Variants in ADCY5 observed in about 807,000 individuals in gnomAD.
ADCY5 encodes the protein adenylate cyclase type 5.
ADCY5 carries 30 observed loss-of-function variants against 119.7 expected under a neutral mutation model. The observed-to-expected ratio is 0.25, with a 90% CI of 0.19 to 0.34. The LOEUF (loss-of-function observed/expected upper bound fraction) is 0.34, where lower values mean the gene tolerates loss of function less well. Among genes scored for constraint, ADCY5 ranks in the 10% least tolerant of loss-of-function variants. The pLI is 1.00. For synonymous variants in ADCY5, 753 were observed against 762.2 expected, an observed-to-expected ratio of 0.99 and a Z score of 0.20; for missense variants, 1,324 against 1,775.2, an observed-to-expected ratio of 0.75 and a Z score of 4.57.
intron 12 of ADCY5, among the ~76,000 whole-genome samples, chr3:123,308,896 T>C (rs1044278354): frequency 6.6e-6 from 1 of 152,236 alleles, no homozygotes; most frequent in Admixed American, 6.5e-5. Context: ...TTCCCAGGGC[T>C]ACACCACAAC....
intron 12 of ADCY5, among the ~76,000 whole-genome samples, chr3:123,308,025 GCTCTT>G (rs1370670375): frequency 1.5e-3 from 175 of 117,376 alleles, no homozygotes; most frequent in African/African-American, 5.3e-3. Context: ...TTTTTTTCAT[GCTCTT>G]TTTTTTTTTT....
At chr3:123,399,939 G>A (rs1210181028) in intron 1 of ADCY5, among the ~76,000 whole-genome samples, 3 of 152,192 alleles carry the variant, frequency 2.0e-5, no homozygotes, top group Non-Finnish European at 2.9e-5. Flanking sequence ...GTTAAGGGCT[G>A]TGTACAAAGG....
At chr3:123,371,721 G>A (rs931974303) in intron 1 of ADCY5, among the ~76,000 whole-genome samples, 9 of 152,284 alleles carry the variant, frequency 5.9e-5, no homozygotes, top group African/African-American at 1.4e-4. Context: ...CATCAGCAGC[G>A]AAGGCCAGGC....
intron 1 of ADCY5, among the ~76,000 whole-genome samples, chr3:123,386,294 C>T (rs1411432034): frequency 3.3e-5 from 5 of 152,066 alleles, no homozygotes; most frequent in Non-Finnish European, 5.9e-5. Flanking sequence ...CCATCCTTAA[C>T]GTCAACCAGG....
intron 1 of ADCY5, among the ~76,000 whole-genome samples, chr3:123,396,549 AAAGAAAAAG>A (rs1944576420): frequency 1.4e-5 from 2 of 144,836 alleles, no homozygotes; most frequent in African/African-American, 2.5e-5. Context: ...AGAAAGAAAG[AAAGAAAAAG>A]AGAAAGAAAG....
At chr3:123,428,794 C>T (rs542187798) in intron 1 of ADCY5, among the ~76,000 whole-genome samples, 1 of 152,228 alleles carries the variant, frequency 6.6e-6, no homozygotes, top group South Asian at 2.1e-4. Context: ...GGCTCTACTC[C>T]AGACTCACTG....
intron 1 of ADCY5, among the ~76,000 whole-genome samples, chr3:123,388,383 G>C (rs996967859): frequency 9.2e-5 from 14 of 152,154 alleles, no homozygotes; most frequent in Non-Finnish European, 1.9e-4. Context: ...AGGCAACAGG[G>C]AGAATGACAG....
At chr3:123,338,326 T>C (rs79045316) in intron 3 of ADCY5, among the ~76,000 whole-genome samples, 2,185 of 152,330 alleles carry the variant, frequency 0.014, 49 homozygotes, top group African/African-American at 0.048. Flanking sequence ...CACACATTTA[T>C]ATAAATCCTG....
chr3:123,432,184 A>T (rs889208691), intron 1 of ADCY5, among the ~76,000 whole-genome samples: 1 of 152,232 alleles, frequency 6.6e-6, no homozygotes, highest in Non-Finnish European at 1.5e-5. Flanking sequence ...TTGAAAAGGC[A>T]CTGCAGGAAC....
chr3:123,327,652 TC>T lies in ADCY5; in HGVS notation c.1912del (p.Glu638ArgfsTer18). On this transcript the variant is annotated frameshift_variant, in exon 7 of 21. Coordinates refer to ENST00000462833, the MANE Select transcript of ADCY5 (RefSeq NM_183357.3). LOFTEE classifies it high-confidence loss of function. ...GGTGCAGCGCAGGATGAGGAAGGTC[TC>T]GATACTGTGCTCCTTGAGGTAGGCG... ...RNAYLKEHSI[E>X]TFLILRCTQK... The T allele has an allele frequency of 6.2e-7, 1 of 1,614,112 alleles. No individual in the cohort carries two copies. The highest frequency in any genetic ancestry group is 8.5e-7 in the Non-Finnish European group (1 of 1,180,014).
chr3:123,284,602 C>A lies in ADCY5; in HGVS notation c.*6G>T. 6.2e-7 allele frequency: 1 copy of A among 1,614,198 alleles called. No homozygotes were observed. On this transcript the variant is annotated 3_prime_UTR_variant, in exon 21 of 21. Transcript: ENST00000462833. Reference sequence around the variant, plus strand: ...CAGGCTGCCTGGCACCATTGGCCAACAGCTGCTAACTGAGCGGGGGCCCTC... The same window carrying A: ...CAGGCTGCCTGGCACCATTGGCCAAAAGCTGCTAACTGAGCGGGGGCCCTC...
chr3:123,399,435 T>A (rs1944694761), intron 1 of ADCY5, among the ~76,000 whole-genome samples: 1 of 152,234 alleles, frequency 6.6e-6, no homozygotes, highest in Non-Finnish European at 1.5e-5. Flanking sequence ...CCGAAGGGTG[T>A]AATGAGCGTC....
In ADCY5 at chr3:123,291,098, G is replaced by C; in HGVS notation, c.3327+15C>G. 6.2e-7 allele frequency: 1 copy of C among 1,602,838 alleles called. No individual in the cohort carries two copies. The highest frequency in any genetic ancestry group is 8.5e-7 in the Non-Finnish European group (1 of 1,173,090). On this transcript the variant is annotated intron_variant, in intron 18 of 20. Transcript: ENST00000462833. The stretch of plus-strand genomic sequence containing the variant: ...CCTCCCAGGAACACAGCCTGACCCA[G>C]GCCCCGCTGTGCACCTCATCAAAGT...
At chr3:123,321,664 GCAAA>G (rs2108353780) in intron 8 of ADCY5, among the ~76,000 whole-genome samples, 1 of 152,308 alleles carries the variant, frequency 6.6e-6, no homozygotes, top group African/African-American at 2.4e-5. Flanking sequence ...ACTCTGCTGG[GCAAA>G]CAGAGTTCGG....
At position 123,447,400 on chromosome 3, in the gene ADCY5, G is replaced by A; in HGVS notation, c.1134+12C>T. 1 of 1,541,744 alleles carries A rather than the reference G, an allele frequency of 6.5e-7. No homozygotes were observed. Among genetic ancestry groups the A allele is most frequent in the Non-Finnish European group, 8.8e-7 (1 of 1,141,634 alleles). On this transcript the variant is annotated intron_variant, in intron 1 of 20. Coordinates refer to ENST00000462833, the MANE Select transcript of ADCY5 (RefSeq NM_183357.3). ...CCCGCAATCCAGTCCCGGTGGCCAG[G>A]TCGGCCCCTACCTGCTTCAGCAGGA...
chr3:123,284,622 G>A lies in ADCY5; in HGVS notation c.3772C>T (p.Pro1258Ser). 6.2e-7 allele frequency: 1 copy of A among 1,614,244 alleles called. No homozygotes were observed. The highest frequency in any genetic ancestry group is 8.5e-7 in the Non-Finnish European group (1 of 1,180,040). ...GCCAACAGCTGCTAACTGAGCGGGG[G>A]CCCTCCATTGAGGAAGTAGGTCATC... ...EMMTYFLNGGPPLS is the reference protein window; with the variant it reads ...EMMTYFLNGGSPLS The change falls in exon 21 of 21, where the codon CCC (proline) becomes TCC (serine). Residue 1258 changes from proline (P) to serine (S), a missense_variant. Pro to Ser is a moderately conservative substitution (Grantham distance 74). Around this residue, in one of 6 missense-constraint regions of ADCY5, gnomAD observed 178 missense variants for 329.6 expected, o/e 0.54. Coordinates refer to ENST00000462833, the MANE Select transcript of ADCY5 (RefSeq NM_183357.3).
chr3:123,319,857 A>C, intron 9 of ADCY5, 39 bp from the exon 10 acceptor site: 1 of 1,603,664 alleles, frequency 6.2e-7, no homozygotes, highest in Non-Finnish European at 8.5e-7. Flanking sequence ...CAGGCTGACC[A>C]CAGGGGCACC....
In ADCY5 at chr3:123,447,618, G is replaced by A; in HGVS notation, c.928C>T (p.Leu310=). The A allele has an allele frequency of 6.2e-7, 1 of 1,607,598 alleles. No individual in the cohort carries two copies. Among genetic ancestry groups the A allele is most frequent in the South Asian group, 1.1e-5 (1 of 90,460 alleles). ...AGCAGGCCCACCACCTGGACGGCCAGCACCACGGCGATGAGCGCATAGCAG... is the reference window on the plus strand; with the variant it reads ...AGCAGGCCCACCACCTGGACGGCCAACACCACGGCGATGAGCGCATAGCAG... ...LACYALIAVV[L]AVQVVGLLLP... Residue 310 remains leucine, a synonymous_variant, in exon 1 of 21, where the codon CTG becomes TTG. Coordinates refer to ENST00000462833, the MANE Select transcript of ADCY5 (RefSeq NM_183357.3).
At chr3:123,363,131 AGATTCCTTCTT>A (rs1943314613) in intron 1 of ADCY5, among the ~76,000 whole-genome samples, 1 of 149,076 alleles carries the variant, frequency 6.7e-6, no homozygotes, top group Non-Finnish European at 1.5e-5. Flanking sequence ...CAACAGAGCA[AGATTCCTTCTT>A]GAAAAAAAAA....
Sources: allele counts gnomAD v4.1 joint callset (sites outside exome capture counted in the v4.1 genomes callset), GRCh38; gene constraint gnomAD v4.1.1; regional missense constraint gnomAD v4.1.1; transcripts MANE v1.5; gene names NCBI Gene and HGNC (gene_info 2026-07-23, HGNC 2026-07-21).